Variants in MYLK observed in about 807,000 individuals in gnomAD.
MYLK encodes the protein myosin light chain kinase, smooth muscle.
In MYLK, 106 loss-of-function variants were observed where a neutral mutation model predicts 203.4. That is an observed-to-expected ratio of 0.52 (90% CI 0.45 to 0.61). The LOEUF (loss-of-function observed/expected upper bound fraction) is 0.61, where lower values mean the gene tolerates loss of function less well. MYLK is among the 20% of genes least tolerant of loss of function. The probability of loss-of-function intolerance (pLI) is 0.00; values close to 1 mark genes in which losing one functional copy is unlikely to be tolerated. For missense variants in MYLK, 2,072 were observed against 2,442.3 expected, an observed-to-expected ratio of 0.85 and a Z score of 3.20; for synonymous variants, 867 against 959.5, an observed-to-expected ratio of 0.90 and a Z score of 1.78.
intron 2 of MYLK, among the ~76,000 whole-genome samples, chr3:123,856,114 C>T (rs1247222670): frequency 6.6e-6 from 1 of 152,154 alleles, no homozygotes; most frequent in Non-Finnish European, 1.5e-5. Context: ...TGATGTTATC[C>T]TTACTCAGTT....
chr3:123,693,767 G>A (rs1246131230), intron 18 of MYLK, among the ~76,000 whole-genome samples: 1 of 152,230 alleles, frequency 6.6e-6, no homozygotes, highest in East Asian at 1.9e-4. Context: ...CCCTCAGGGT[G>A]TGGAAAGAGG....
chr3:123,749,043 T>C (rs2063109720), intron 5 of MYLK, among the ~76,000 whole-genome samples: 1 of 151,912 alleles, frequency 6.6e-6, no homozygotes, highest in Non-Finnish European at 1.5e-5. Context: ...CACTCCAGCC[T>C]GGGTGACACG....
intron 5 of MYLK, among the ~76,000 whole-genome samples, chr3:123,751,371 C>T (rs559552801): frequency 5.3e-5 from 8 of 152,252 alleles, no homozygotes; most frequent in African/African-American, 1.4e-4. Context: ...TTAAAGTTAA[C>T]AGAATTTTTT....
intron 20 of MYLK, among the ~76,000 whole-genome samples, chr3:123,673,454 G>A (rs1264742095): frequency 2.0e-5 from 3 of 150,932 alleles, no homozygotes; most frequent in East Asian, 1.9e-4. Context: ...CCACTCCCCC[G>A]CTCTCTGAAA....
chr3:123,771,833 T>C (rs1193542741), intron 4 of MYLK, among the ~76,000 whole-genome samples: 2 of 152,324 alleles, frequency 1.3e-5, no homozygotes, highest in East Asian at 3.9e-4. Context: ...TAATACAACA[T>C]TGAATATCTC....
chr3:123,875,757 C>T (rs556711531), intron 2 of MYLK, among the ~76,000 whole-genome samples: 2 of 152,092 alleles, frequency 1.3e-5, no homozygotes, highest in Non-Finnish European at 2.9e-5. Flanking sequence ...AAATGCTGAT[C>T]ATTTGTCAAA....
chr3:123,846,665 T>C (rs2030038804), intron 2 of MYLK, among the ~76,000 whole-genome samples: 1 of 152,198 alleles, frequency 6.6e-6, no homozygotes, highest in Non-Finnish European at 1.5e-5. Context: ...TGTCATTCCA[T>C]ATGCTCATCC....
At chr3:123,646,763 G>A (rs1338157677) in intron 27 of MYLK, among the ~76,000 whole-genome samples, 1 of 152,240 alleles carries the variant, frequency 6.6e-6, no homozygotes, top group African/African-American at 2.4e-5. Flanking sequence ...GGATGGGACT[G>A]AGGACCAGAG....
chr3:123,813,765 C>G (rs1451378958), intron 3 of MYLK, among the ~76,000 whole-genome samples: 1 of 152,174 alleles, frequency 6.6e-6, no homozygotes, highest in African/African-American at 2.4e-5. Context: ...CCTGCCTTAG[C>G]CTCCCAAAGT....
intron 2 of MYLK, among the ~76,000 whole-genome samples, chr3:123,849,746 CA>C (rs1400054896): frequency 6.6e-6 from 1 of 150,848 alleles, no homozygotes; most frequent in East Asian, 1.9e-4. Flanking sequence ...TACATTTATT[CA>C]TTTTTTTTTA....
intron 16 of MYLK, 91 bp from the exon 17 acceptor site, chr3:123,701,600 G>T: frequency 7.3e-7 from 1 of 1,367,660 alleles, no homozygotes; most frequent in Non-Finnish European, 1.0e-6. Flanking sequence ...GCTGGCCAGC[G>T]GGGAAGATGG....
At chr3:123,815,184 C>T (rs1403108653) in intron 3 of MYLK, among the ~76,000 whole-genome samples, 1 of 152,186 alleles carries the variant, frequency 6.6e-6, no homozygotes, top group Non-Finnish European at 1.5e-5. Flanking sequence ...GATTTTATGG[C>T]TCTTGCATCC....
At chr3:123,641,923 T>C (rs558854434) in intron 27 of MYLK, among the ~76,000 whole-genome samples, 5 of 150,886 alleles carry the variant, frequency 3.3e-5, no homozygotes, top group Admixed American at 2.0e-4. Context: ...TCTGTGATCA[T>C]AGTTCAACAT....
chr3:123,720,635 T>G (rs1487397075), intron 13 of MYLK, among the ~76,000 whole-genome samples: 1 of 152,132 alleles, frequency 6.6e-6, no homozygotes, highest in Non-Finnish European at 1.5e-5. Flanking sequence ...CAGGGAGTCA[T>G]GAAGTTAGAA....
chr3:123,719,392 A>C (rs893152745), intron 13 of MYLK, among the ~76,000 whole-genome samples: 4 of 152,182 alleles, frequency 2.6e-5, no homozygotes, highest in African/African-American at 7.2e-5. Flanking sequence ...TGGCCAAACA[A>C]ACACACAATA....
At chr3:123,722,598 G>T (rs1282235872) in intron 12 of MYLK, among the ~76,000 whole-genome samples, 1 of 152,076 alleles carries the variant, frequency 6.6e-6, no homozygotes, top group Non-Finnish European at 1.5e-5. Flanking sequence ...AGAGTTTTGG[G>T]CATTCTGTGT....
intron 33 of MYLK, among the ~76,000 whole-genome samples, chr3:123,615,205 A>T (rs2057407607): frequency 6.6e-6 from 1 of 151,886 alleles, no homozygotes; most frequent in Non-Finnish European, 1.5e-5. Context: ...GGTGGGCAGG[A>T]GTTCAAGACC....
chr3:123,794,065 C>T (rs1302674032), intron 3 of MYLK, among the ~76,000 whole-genome samples: 1 of 152,258 alleles, frequency 6.6e-6, no homozygotes, highest in Non-Finnish European at 1.5e-5. Flanking sequence ...ACAAACACTC[C>T]GGTTCCCAGG....
In MYLK at chr3:123,700,315, G is replaced by T. The variant is rs2061136834; in HGVS notation, c.3153C>A (p.Gly1051=). The T allele has an allele frequency of 6.2e-7, 1 of 1,613,652 alleles. No homozygotes were observed. The highest frequency in any genetic ancestry group is 1.1e-5 in the South Asian group (1 of 91,024). ...AKPAETLKPM[G]NAKPDENLKS... Reference sequence around the variant, plus strand: ...TCAGGTTCTCATCAGGCTTGGCATTGCCCATGGGCTTCAGGGTCTCGGCAG... The same window carrying T: ...TCAGGTTCTCATCAGGCTTGGCATTTCCCATGGGCTTCAGGGTCTCGGCAG... Residue 1051 remains glycine, a synonymous_variant, in exon 18 of 34, where the codon GGC becomes GGA. Transcript: ENST00000360304.
Sources: gnomAD v4.1 joint callset for allele counts (sites outside exome capture counted in the v4.1 genomes callset) on GRCh38, gnomAD v4.1.1 for gene constraint, MANE v1.5 for transcripts, NCBI Gene and HGNC (gene_info 2026-07-23, HGNC 2026-07-21) for gene names.